TMEM192: variants seen among roughly 807,000 people sequenced by gnomAD.
TMEM192 encodes transmembrane protein 192.
Under a neutral mutation model 26.7 loss-of-function variants are expected in TMEM192, and 20 were observed. The ratio of observed to expected loss-of-function variants is 0.75; its 90% CI spans 0.53 to 1.09. TMEM192 has a LOEUF of 1.09. TMEM192 is among the 50% of genes least tolerant of loss of function. TMEM192 has a pLI of 0.00. For synonymous variants in TMEM192, 124 were observed against 121.0 expected (o/e 1.02, Z -0.16); for missense variants, 304 against 322.6 (o/e 0.94, Z 0.44).
intron 2 of TMEM192, among the ~76,000 whole-genome samples, chr4:165,102,051 A>G (rs1457836541): frequency 5.9e-5 from 9 of 152,200 alleles, no homozygotes; most frequent in African/African-American, 9.6e-5. Context: ...CAATCGTCGA[A>G]AGGGAGGAAC....
Position 165,073,696 on chromosome 4 carries a change from G to C in TMEM192, c.*5962C>G, listed in dbSNP as rs1164733279. 6.6e-6 allele frequency: 1 copy of C among 152,210 alleles called. No individual in the cohort carries two copies. Among genetic ancestry groups the C allele is most frequent in the Non-Finnish European group, 1.5e-5 (1 of 68,054 alleles). 9.4% of individuals were successfully genotyped at this position (152,210 alleles called of 1,614,324 possible). ...TTCCCATTCGTTCTATTCTGAGATA[G>C]GAGAAAACTGCCCTGTGGCTGGAGG... is the stretch of plus-strand genomic sequence containing the variant. On this transcript the variant is annotated 3_prime_UTR_variant, in exon 6 of 6. Coordinates refer to ENST00000306480, the MANE Select transcript of TMEM192 (RefSeq NM_001100389.2).
At chr4:165,101,347 C>T (rs13114950) in intron 2 of TMEM192, among the ~76,000 whole-genome samples, 23,446 of 151,778 alleles carry the variant, frequency 0.15, 2,272 homozygotes, top group South Asian at 0.27. Context: ...AATGTATTTT[C>T]GTTTTGTTTT....
chr4:165,091,215 C>G (rs1280931026), intron 3 of TMEM192, among the ~76,000 whole-genome samples: 2 of 152,052 alleles, frequency 1.3e-5, no homozygotes, highest in Non-Finnish European at 2.9e-5. Context: ...TTGCAGTGAG[C>G]TGAGATAGCG....
At chr4:165,095,537 G>A (rs540038323) in intron 3 of TMEM192, among the ~76,000 whole-genome samples, 5 of 152,182 alleles carry the variant, frequency 3.3e-5, no homozygotes, top group South Asian at 2.1e-4. Flanking sequence ...CTATGCCCTC[G>A]GGTCCTACAA....
chr4:165,099,038 A>G (rs1734978813), intron 3 of TMEM192, among the ~76,000 whole-genome samples: 1 of 151,204 alleles, frequency 6.6e-6, no homozygotes, highest in African/African-American at 2.4e-5. Context: ...TCTGGACTCA[A>G]ATTGAAAAAC....
chr4:165,090,631 G>A (rs958313922), intron 3 of TMEM192, among the ~76,000 whole-genome samples: 3 of 152,124 alleles, frequency 2.0e-5, no homozygotes, highest in Admixed American at 6.6e-5. Flanking sequence ...GGGGCCAGGT[G>A]TGGTGGCTCA....
chr4:165,104,354 T>C (rs1255404527), intron 1 of TMEM192, among the ~76,000 whole-genome samples: 5 of 152,152 alleles, frequency 3.3e-5, no homozygotes, highest in Admixed American at 6.5e-5. Context: ...CTACACAGAA[T>C]GAGAGCTCTT....
At chr4:165,090,931 G>T (rs1156955522) in intron 3 of TMEM192, among the ~76,000 whole-genome samples, 3 of 34,124 alleles carry the variant, frequency 8.8e-5, no homozygotes, top group Admixed American at 3.1e-4. Context: ...AAAAAAAAAG[G>T]TCATAGAAAC....
chr4:165,100,151 T>C (rs1735004461), intron 3 of TMEM192, among the ~76,000 whole-genome samples: 1 of 144,726 alleles, frequency 6.9e-6, no homozygotes, highest in African/African-American at 2.7e-5. Context: ...ATATATTTCA[T>C]AATAAAAGTT....
intron 5 of TMEM192, among the ~76,000 whole-genome samples, chr4:165,085,372 T>G (rs934185086): frequency 2.0e-5 from 3 of 152,106 alleles, no homozygotes. Flanking sequence ...TTAAATAGGT[T>G]GGCTAAGTGG....
chr4:165,080,762 T>C (rs969416175), intron 5 of TMEM192, among the ~76,000 whole-genome samples: 1 of 152,198 alleles, frequency 6.6e-6, no homozygotes, highest in Non-Finnish European at 1.5e-5. Context: ...TTGCCCAGGC[T>C]GGAGTGCAGT....
intron 2 of TMEM192, among the ~76,000 whole-genome samples, chr4:165,101,686 G>A (rs559460995): frequency 6.6e-5 from 10 of 152,278 alleles, no homozygotes; most frequent in South Asian, 6.2e-4. Context: ...AGAAGAAAGC[G>A]CTTCAGCTGG....
chr4:165,105,543 A>G (rs1196626774), intron 1 of TMEM192, among the ~76,000 whole-genome samples: 4 of 152,246 alleles, frequency 2.6e-5, no homozygotes, highest in African/African-American at 9.6e-5. Flanking sequence ...TGTCAGGAAT[A>G]CTAAATGAGT....
intron 3 of TMEM192, among the ~76,000 whole-genome samples, chr4:165,100,386 C>A (rs945239363): frequency 6.6e-6 from 1 of 152,064 alleles, no homozygotes. Context: ...TCTCGATCTC[C>A]TGACCTCGTG....
intron 2 of TMEM192, 57 bp from the exon 3 acceptor site, chr4:165,100,949 A>C: frequency 6.8e-7 from 1 of 1,462,934 alleles, no homozygotes; most frequent in Admixed American, 2.3e-5. Flanking sequence ...AGGAAGCAAT[A>C]ACTACCATCC....
intron 1 of TMEM192, among the ~76,000 whole-genome samples, chr4:165,103,898 C>A (rs1413992574): frequency 1.3e-5 from 2 of 152,090 alleles, no homozygotes; most frequent in Admixed American, 6.6e-5. Flanking sequence ...AAACTCCTGA[C>A]CTCAGGTGAT....
intron 5 of TMEM192, among the ~76,000 whole-genome samples, chr4:165,085,302 TA>T (rs565088766): frequency 4.4e-4 from 61 of 140,190 alleles, no homozygotes; most frequent in Admixed American, 1.5e-3. Flanking sequence ...AAGACACCTA[TA>T]AAAAAAGGTG....
rs74795263 is a variant in TMEM192, at chr4:165,074,113, A to ACC, written c.*5543_*5544dup. ...AATACCCACAGGTGTGGAGGGGCAG[A>ACC]CCCCCCCTCAATCAACTGAGCCAAG... On this transcript the variant is annotated 3_prime_UTR_variant, in exon 6 of 6. Transcript: ENST00000306480. 0.74 allele frequency: 111,868 copies of ACC among 151,356 alleles called. 43,979 individuals carry two copies. Among genetic ancestry groups the ACC allele is most frequent in the East Asian group, 0.91 (4,623 of 5,106 alleles). The allele number at this position is 151,356 out of a possible 1,614,324, so 9.4% of individuals were successfully genotyped here.
Position 165,108,134 on chromosome 4 carries a change from TTTTTTG to T in TMEM192, c.27+4607_27+4612del, listed in dbSNP as rs1452162198. 2.2e-3 allele frequency among the ~76,000 whole-genome samples: 126 copies of T among 57,434 alleles called. 3 individuals are homozygous for T. Among genetic ancestry groups the T allele is most frequent in the Non-Finnish European group, 2.1e-3 (54 of 25,470 alleles). The allele number at this position is 57,434 out of a possible 152,430, so 37.7% of individuals were successfully genotyped here. The stretch of plus-strand genomic sequence containing the variant: ...TCCCTTTTTTTTTTTTTTTTTTTTT[TTTTTTG>T]GAGATGTAGTCTTGCTCTGTCACCC... On this transcript the variant is annotated intron_variant, in intron 1 of 5. Coordinates refer to ENST00000306480, the MANE Select transcript of TMEM192 (RefSeq NM_001100389.2).
Sources: gnomAD v4.1 joint callset for allele counts (sites outside exome capture counted in the v4.1 genomes callset) on GRCh38, gnomAD v4.1.1 for gene constraint, MANE v1.5 for transcripts, NCBI Gene and HGNC (gene_info 2026-07-23, HGNC 2026-07-21) for gene names.